Variants in MYO1B observed in about 807,000 individuals in gnomAD.
The protein encoded by MYO1B is myosin IB, also known as unconventional myosin-Ib.
In MYO1B, 72 loss-of-function variants were observed where a neutral mutation model predicts 159.7. The observed-to-expected ratio is 0.45, with a 90% CI of 0.37 to 0.55. The LOEUF (loss-of-function observed/expected upper bound fraction) is 0.55, where lower values mean the gene tolerates loss of function less well. MYO1B is among the 20% of genes least tolerant of loss of function. MYO1B has a pLI of 0.00. For synonymous variants in MYO1B, 468 were observed against 473.8 expected, an observed-to-expected ratio of 0.99 and a Z score of 0.16; for missense variants, 1,062 against 1,364.8, an observed-to-expected ratio of 0.78 and a Z score of 3.50.
chr2:191,363,854 A>G lies in MYO1B; in HGVS notation c.892A>G (p.Ser298Gly), dbSNP rs778895383. The change falls in exon 10 of 31, where the codon AGC becomes GGC. Residue 298 changes from serine (S) to glycine (G), a missense_variant. Physicochemically the swap from Ser to Gly is moderately conservative, Grantham distance 56. Transcript: ENST00000392318. ...ATCTCGAGTGAATGGTCTAGATGAA[A>G]GCAAAATCAAAGATAAAAATGGTAC... ...PESRVNGLDE[S>G]KIKDKNELKE... The G allele has an allele frequency of 3.1e-6, 5 of 1,613,756 alleles. No individual in the cohort carries two copies. Among genetic ancestry groups the G allele is most frequent in the Admixed American group, 1.7e-5 (1 of 59,938 alleles).
intron 3 of MYO1B, among the ~76,000 whole-genome samples, chr2:191,319,121 G>T (rs1690540084): frequency 6.6e-6 from 1 of 152,168 alleles, no homozygotes. Flanking sequence ...CCATTCTTGT[G>T]TGACTACTTT....
rs1694233521 is a variant in MYO1B, at chr2:191,369,565, G to A, written c.1056G>A (p.Leu352=). The part of the protein sequence containing the change: ...VAQAYYARDA[L]AKNLYSRLFS... ...AGGCTTATTATGCCCGTGATGCTCT[G>A]GCTAAAAACCTCTACAGCAGGTTGT... The change falls in exon 12 of 31, where the codon CTG becomes CTA. Residue 352 remains leucine, a synonymous_variant. Transcript: ENST00000392318. 6.2e-7 allele frequency: 1 copy of A among 1,613,116 alleles called. No individual in the cohort carries two copies. The highest frequency in any genetic ancestry group is 1.3e-5 in the African/African-American group (1 of 74,844).
intron 2 of MYO1B, among the ~76,000 whole-genome samples, chr2:191,287,315 GT>G (rs1467917611): frequency 6.6e-6 from 1 of 152,070 alleles, no homozygotes; most frequent in Non-Finnish European, 1.5e-5. Flanking sequence ...ATCACCCGAG[GT>G]CAGGAATTCA....
intron 1 of MYO1B, among the ~76,000 whole-genome samples, chr2:191,256,942 G>A (rs1019518686): frequency 9.0e-5 from 9 of 100,504 alleles, no homozygotes; most frequent in Non-Finnish European, 2.4e-4. Flanking sequence ...CCCCTTTTCT[G>A]TGAATTTTTT....
chr2:191,407,027 C>T lies in MYO1B; in HGVS notation c.2557-1088C>T, dbSNP rs73055499. ...GCAAAGGGACTCGTGTAGTTTGGAG[C>T]GTGCATGCCTCATCTAAAGGCAACA... On this transcript the variant is annotated intron_variant, in intron 24 of 30. Coordinates refer to ENST00000392318, the MANE Select transcript of MYO1B (RefSeq NM_001130158.3). 9.3e-3 allele frequency among the ~76,000 whole-genome samples: 1,420 copies of T among 152,262 alleles called. 25 individuals carry two copies. The highest frequency in any genetic ancestry group is 0.033 in the African/African-American group (1,352 of 41,516).
chr2:191,399,468 CTG>C (rs949017448), intron 21 of MYO1B, among the ~76,000 whole-genome samples: 2 of 152,232 alleles, frequency 1.3e-5, no homozygotes, highest in Non-Finnish European at 2.9e-5. Flanking sequence ...TAGCGATAGA[CTG>C]TGTGACCTTC....
intron 4 of MYO1B, among the ~76,000 whole-genome samples, chr2:191,331,696 T>C (rs976934421): frequency 2.0e-5 from 3 of 152,190 alleles, no homozygotes; most frequent in African/African-American, 7.2e-5. Flanking sequence ...ACATTTCGTT[T>C]AGTAGGGGAG....
chr2:191,370,979 A>G (rs571307057), intron 13 of MYO1B: 3 of 152,366 alleles, frequency 2.0e-5, no homozygotes, highest in Non-Finnish European at 2.9e-5. Context: ...TTAGAATGAT[A>G]TAGAGAAGAT....
chr2:191,423,793 G>A (rs775087555), intron 30 of MYO1B, 44 bp from the exon 31 acceptor site: 1 of 1,577,950 alleles, frequency 6.3e-7, no homozygotes, highest in East Asian at 2.2e-5. Context: ...GTAATCATGA[G>A]CTGTTTTGTG....
At chr2:191,259,965 C>T (rs1686694833) in intron 1 of MYO1B, among the ~76,000 whole-genome samples, 2 of 151,984 alleles carry the variant, frequency 1.3e-5, no homozygotes, top group African/African-American at 2.4e-5. Context: ...GGATCATGGG[C>T]AGCTACGTGT....
chr2:191,271,518 T>A (rs1687455197), intron 1 of MYO1B, among the ~76,000 whole-genome samples: 1 of 149,922 alleles, frequency 6.7e-6, no homozygotes, highest in Non-Finnish European at 1.5e-5. Flanking sequence ...TATTTAAATC[T>A]AAAAAAAAAA....
chr2:191,383,399 T>C (rs370690710), intron 15 of MYO1B, 57 bp downstream of exon 15: 3 of 1,050,734 alleles, frequency 2.9e-6, no homozygotes, highest in Admixed American at 3.0e-5. Flanking sequence ...TTCACCCTTA[T>C]AAATGTTCTC....
intron 22 of MYO1B, 124 bp from the exon 23 acceptor site, chr2:191,400,625 C>T: frequency 7.6e-7 from 1 of 1,318,170 alleles, no homozygotes; most frequent in Non-Finnish European, 1.1e-6. Flanking sequence ...GGGGTGGTGG[C>T]ACATGCTTTT....
intron 2 of MYO1B, among the ~76,000 whole-genome samples, chr2:191,288,157 G>T (rs1481163939): frequency 6.6e-6 from 1 of 151,470 alleles, no homozygotes; most frequent in Non-Finnish European, 1.5e-5. Context: ...GAATAATGCT[G>T]CTATAAACAT....
At chr2:191,350,579 A>G (rs1335588811) in intron 7 of MYO1B, among the ~76,000 whole-genome samples, 1 of 152,052 alleles carries the variant, frequency 6.6e-6, no homozygotes, top group African/African-American at 2.4e-5. Flanking sequence ...CAAAATGCTT[A>G]TGATAAAAAA....
intron 2 of MYO1B, among the ~76,000 whole-genome samples, chr2:191,281,403 G>T (rs999281680): frequency 6.6e-6 from 1 of 152,202 alleles, no homozygotes. Context: ...CCATCTTGGC[G>T]GAGTGTGGTT....
chr2:191,336,381 A>T (rs1036401277), intron 4 of MYO1B, among the ~76,000 whole-genome samples: 2 of 152,164 alleles, frequency 1.3e-5, no homozygotes. Flanking sequence ...TGTTGAAAAT[A>T]CCCACACTGA....
intron 7 of MYO1B, among the ~76,000 whole-genome samples, chr2:191,354,256 A>AAGT (rs1693120953): frequency 7.0e-6 from 1 of 143,860 alleles, no homozygotes; most frequent in Non-Finnish European, 1.5e-5. Context: ...ACTCCGTCTT[A>AAGT]AATAATAATA....
At chr2:191,309,758 C>T (rs907095396) in intron 3 of MYO1B, among the ~76,000 whole-genome samples, 4 of 152,252 alleles carry the variant, frequency 2.6e-5, no homozygotes, top group East Asian at 1.9e-4. Context: ...CCAAGTCCTT[C>T]CCCAATCACC....
Sources: gnomAD v4.1 joint callset for allele counts (sites outside exome capture counted in the v4.1 genomes callset) on GRCh38, gnomAD v4.1.1 for gene constraint, MANE v1.5 for transcripts, NCBI Gene and HGNC (gene_info 2026-07-23, HGNC 2026-07-21) for gene names.